DTWD2: variants seen among roughly 807,000 people sequenced by gnomAD.
DTWD2 encodes the protein DTW motif tRNA-uridine aminocarboxypropyltransferase 2, also known as tRNA-uridine aminocarboxypropyltransferase 2.
Under a neutral mutation model 31.8 loss-of-function variants are expected in DTWD2, and 39 were observed. The observed-to-expected ratio is 1.22, with a 90% confidence interval of 0.95 to 1.60. The LOEUF is 1.60. Ranked by LOEUF, DTWD2 falls within the 40% of genes most tolerant of loss-of-function variation. The pLI is 0.00. For synonymous variants in DTWD2, 180 were observed against 142.8 expected, an observed-to-expected ratio of 1.26 and a Z score of -1.86; for missense variants, 515 against 381.5, an observed-to-expected ratio of 1.35 and a Z score of -2.92.
At chr5:118,859,206 G>GA (rs766866641) in intron 4 of DTWD2, among the ~76,000 whole-genome samples, 307 of 127,204 alleles carry the variant, frequency 2.4e-3, no homozygotes, top group East Asian at 6.7e-3. Context: ...ATTCTTGAAG[G>GA]AAAAAAAAAA....
intron 4 of DTWD2, among the ~76,000 whole-genome samples, chr5:118,923,971 C>CTAAAA (rs1753758449): frequency 1.3e-5 from 2 of 152,236 alleles, no homozygotes; most frequent in Non-Finnish European, 2.9e-5. Flanking sequence ...CAAGAGCTGT[C>CTAAAA]ATAATTGCTG....
At chr5:118,889,671 C>A (rs1234612503) in intron 4 of DTWD2, among the ~76,000 whole-genome samples, 1 of 152,092 alleles carries the variant, frequency 6.6e-6, no homozygotes, top group Non-Finnish European at 1.5e-5. Flanking sequence ...TATACTCTCT[C>A]ATCTTCTGAT....
At chr5:118,958,584 CAAA>C (rs139781494) in intron 1 of DTWD2, among the ~76,000 whole-genome samples, 1,085 of 107,934 alleles carry the variant, frequency 0.01, 13 homozygotes, top group African/African-American at 0.034. Context: ...CACAGAAAGA[CAAA>C]AAAAAAAAAA....
At chr5:118,909,870 G>T (rs761540620) in intron 4 of DTWD2, among the ~76,000 whole-genome samples, 6 of 152,160 alleles carry the variant, frequency 3.9e-5, no homozygotes, top group Non-Finnish European at 8.8e-5. Flanking sequence ...ACTAGACCTG[G>T]TTCCATAGCA....
At chr5:118,899,753 T>G (rs1427734737) in intron 4 of DTWD2, among the ~76,000 whole-genome samples, 1 of 152,044 alleles carries the variant, frequency 6.6e-6, no homozygotes, top group Non-Finnish European at 1.5e-5. Flanking sequence ...TTTTAAATTT[T>G]ATAGAAATTG....
chr5:118,892,547 C>A (rs1752997427), intron 4 of DTWD2, among the ~76,000 whole-genome samples: 1 of 151,980 alleles, frequency 6.6e-6, no homozygotes, highest in African/African-American at 2.4e-5. Flanking sequence ...AAAAAACATT[C>A]TACATTTTAA....
chr5:118,943,110 G>C (rs572750910), intron 2 of DTWD2, among the ~76,000 whole-genome samples: 4 of 152,234 alleles, frequency 2.6e-5, no homozygotes, highest in East Asian at 1.9e-4. Context: ...AGCCTCAAAA[G>C]TCAGGTTTTA....
chr5:118,948,354 G>A (rs548257028), intron 1 of DTWD2, among the ~76,000 whole-genome samples: 13 of 152,248 alleles, frequency 8.5e-5, no homozygotes, highest in African/African-American at 3.1e-4. Flanking sequence ...GATGGCAGGT[G>A]CCTGTAGTCC....
At chr5:118,947,382 G>A (rs776169635) in intron 1 of DTWD2, among the ~76,000 whole-genome samples, 1 of 152,316 alleles carries the variant, frequency 6.6e-6, no homozygotes, top group East Asian at 1.9e-4. Context: ...GCTCTAAGCG[G>A]GAAGGAGAGC....
At chr5:118,988,201 C>A (rs888579833) in intron 1 of DTWD2, 93 bp downstream of exon 1, 8 of 1,473,104 alleles carry the variant, frequency 5.4e-6, no homozygotes, top group Non-Finnish European at 7.3e-6. Context: ...AATCGCAGAG[C>A]TGCCCGAGCC....
intron 4 of DTWD2, among the ~76,000 whole-genome samples, chr5:118,909,542 G>C (rs1161103256): frequency 6.6e-6 from 1 of 152,158 alleles, no homozygotes; most frequent in Non-Finnish European, 1.5e-5. Context: ...CTGGGAACCA[G>C]GGCAGCCACC....
At chr5:118,864,586 C>A (rs573752464) in intron 4 of DTWD2, among the ~76,000 whole-genome samples, 87 of 149,106 alleles carry the variant, frequency 5.8e-4, no homozygotes, top group African/African-American at 2.0e-3. Context: ...GGGCTCCTAA[C>A]CTCCCATGGA....
chr5:118,879,790 T>C (rs1234470113), intron 4 of DTWD2, among the ~76,000 whole-genome samples: 1 of 151,862 alleles, frequency 6.6e-6, no homozygotes, highest in Non-Finnish European at 1.5e-5. Flanking sequence ...CAACACACAT[T>C]GGGGCCTACT....
At chr5:118,886,528 G>T (rs1752872272) in intron 4 of DTWD2, among the ~76,000 whole-genome samples, 2 of 152,206 alleles carry the variant, frequency 1.3e-5, no homozygotes, top group African/African-American at 4.8e-5. Context: ...TGAGGAATAT[G>T]AGACTTCTAG....
At chr5:118,935,453 G>T (rs181576264) in intron 3 of DTWD2, among the ~76,000 whole-genome samples, 2 of 152,246 alleles carry the variant, frequency 1.3e-5, no homozygotes, top group Admixed American at 1.3e-4. Context: ...CCCCACGTAG[G>T]CAGGGTCAGA....
intron 4 of DTWD2, among the ~76,000 whole-genome samples, chr5:118,853,317 AGCC>A (rs1338567415): frequency 6.6e-6 from 1 of 152,226 alleles, no homozygotes; most frequent in East Asian, 1.9e-4. Context: ...AAATTAGTTC[AGCC>A]TCTATAGAAA....
At chr5:118,987,024 C>G (rs938972244) in intron 1 of DTWD2, among the ~76,000 whole-genome samples, 2 of 152,078 alleles carry the variant, frequency 1.3e-5, no homozygotes, top group African/African-American at 4.8e-5. Context: ...CTCTGCTAAA[C>G]AGATTTTTAC....
intron 4 of DTWD2, among the ~76,000 whole-genome samples, chr5:118,852,385 A>T (rs1449128402): frequency 6.6e-6 from 1 of 152,186 alleles, no homozygotes. Context: ...AGGTGTAAGA[A>T]ATTATAAGAG....
At chr5:118,987,203 T>C (rs937505355) in intron 1 of DTWD2, among the ~76,000 whole-genome samples, 1 of 152,210 alleles carries the variant, frequency 6.6e-6, no homozygotes, top group Non-Finnish European at 1.5e-5. Flanking sequence ...TTGTTTAAAT[T>C]AATTGTATTC....
Sources: gnomAD v4.1 joint callset for allele counts (sites outside exome capture counted in the v4.1 genomes callset) on GRCh38, gnomAD v4.1.1 for gene constraint, MANE v1.5 for transcripts, NCBI Gene and HGNC (gene_info 2026-07-23, HGNC 2026-07-21) for gene names.